The following IGSF9B variants were observed in gnomAD, a reference collection of about 807,000 sequenced individuals.
IGSF9B encodes protein turtle homolog B.
In IGSF9B, 48 loss-of-function variants were observed where a neutral mutation model predicts 143.7. The observed-to-expected ratio is 0.33, with a 90% CI of 0.26 to 0.42. The LOEUF (loss-of-function observed/expected upper bound fraction) is 0.42. IGSF9B is among the 20% of genes least tolerant of loss of function. The probability of loss-of-function intolerance (pLI) is 1.00; values close to 1 mark genes in which losing one functional copy is unlikely to be tolerated. For missense variants in IGSF9B, 1,706 were observed against 1,980.0 expected (o/e 0.86, Z 2.63); for synonymous variants, 903 against 833.1 (o/e 1.08, Z -1.44).
Position 133,902,463 on chromosome 11 carries a change from G to GCACACCACACACACACCACACAC in IGSF9B, c.*6605_*6606insGTGTGTGGTGTGTGTGTGGTGTG, listed in dbSNP as rs1163338242. Among the ~76,000 whole-genome samples the GCACACCACACACACACCACACAC allele has an allele frequency of 2.8e-5, 1 of 35,484 alleles. No homozygotes were observed. The highest frequency in any genetic ancestry group is 8.1e-5 in the Non-Finnish European group (1 of 12,304). 23.3% of individuals were successfully genotyped at this position (35,484 alleles called of 152,430 possible). ...ACACCACCCAGACACACCACACACAGATACACACACCACACACAACACACA... is the reference window on the plus strand; with the variant it reads ...ACACCACCCAGACACACCACACACAGCACACCACACACACACCACACACATACACACACCACACACAACACACA... On this transcript the variant is annotated 3_prime_UTR_variant, in exon 20 of 20. Transcript: ENST00000533871.
In IGSF9B at chr11:133,907,390, T is replaced by C. The variant is rs559038030; in HGVS notation, c.*1679A>G. ...CATGAGACCAGCAGAAGCCATCCAA[T>C]GCTGCCGTGGCTCACGTCCAAGCAG... On this transcript the variant is annotated 3_prime_UTR_variant, in exon 20 of 20. Coordinates refer to ENST00000533871, the MANE Select transcript of IGSF9B (RefSeq NM_001277285.4). Among the ~76,000 whole-genome samples, 146 of 152,304 alleles carry C rather than the reference T, an allele frequency of 9.6e-4. No individual in the cohort carries two copies. The highest frequency in any genetic ancestry group is 3.2e-3 in the African/African-American group (132 of 41,564).
intron 18 of IGSF9B, among the ~76,000 whole-genome samples, chr11:133,915,268 CT>C (rs33964936): frequency 7.3e-4 from 63 of 86,724 alleles, no homozygotes; most frequent in African/African-American, 2.5e-3. Flanking sequence ...CTCTCTCTCT[CT>C]TTTTTTTTTT....
In IGSF9B at chr11:133,907,290, G is replaced by A. The variant is rs2121262456; in HGVS notation, c.*1779C>T. On this transcript the variant is annotated 3_prime_UTR_variant, in exon 20 of 20. Transcript: ENST00000533871. ...ACAGAAGAAGTCCATCCCCTAAGAT[G>A]GAAACGCCAAGAAGAGACAGCAGCC... is the stretch of plus-strand genomic sequence containing the variant. 6.6e-6 allele frequency among the ~76,000 whole-genome samples: 1 copy of A among 152,312 alleles called. No individual in the cohort carries two copies. The highest frequency in any genetic ancestry group is 1.9e-4 in the East Asian group (1 of 5,158).
chr11:133,925,614 G>A (rs1230396767), intron 14 of IGSF9B, 125 bp downstream of exon 14: 1 of 699,372 alleles, frequency 1.4e-6, no homozygotes, highest in Non-Finnish European at 2.5e-6. Flanking sequence ...GACCAGTGGT[G>A]AGGAGGTACA....
chr11:133,927,653 G>T (rs551311446), intron 12 of IGSF9B, among the ~76,000 whole-genome samples: 1 of 152,332 alleles, frequency 6.6e-6, no homozygotes, highest in African/African-American at 2.4e-5. Context: ...CCCTAAGGCC[G>T]TAAGGGTTGG....
intron 7 of IGSF9B, among the ~76,000 whole-genome samples, chr11:133,934,595 G>T (rs1939789169): frequency 6.6e-6 from 1 of 152,338 alleles, no homozygotes; most frequent in African/African-American, 2.4e-5. Flanking sequence ...TCCATAGAGA[G>T]GAAAGAGTGA....
At chr11:133,934,568 G>A (rs1426406635) in intron 7 of IGSF9B, among the ~76,000 whole-genome samples, 4 of 152,230 alleles carry the variant, frequency 2.6e-5, no homozygotes, top group African/African-American at 7.2e-5. Context: ...GACGGCAGAC[G>A]CAGAGAGGCG....
At chr11:133,932,304 G>A (rs958116133) in intron 7 of IGSF9B, 91 bp from the exon 8 acceptor site, 126 of 1,383,008 alleles carry the variant, frequency 9.1e-5, no homozygotes, top group Non-Finnish European at 1.2e-4. Context: ...CACAGGGACA[G>A]ACAGACACAG....
Position 133,919,860 on chromosome 11 carries a change from G to A in IGSF9B, c.3865C>T (p.Pro1289Ser), listed in dbSNP as rs1311569703. The A allele has an allele frequency of 1.3e-6, 2 of 1,588,488 alleles. No homozygotes were observed. The highest frequency in any genetic ancestry group is 2.7e-5 in the African/African-American group (2 of 73,920). The change falls in exon 18 of 20, where the codon CCC becomes TCC. Residue 1289 changes from proline (P) to serine (S), a missense_variant. By Grantham distance (74) the Pro-to-Ser change is moderately conservative (BLOSUM62 -1). Transcript: ENST00000533871. ...CTGTCCCCAGGCCCAGCAGGGGCGG[G>A]GCCGGGTGGAGGGGAAGGGTAGCCG... Reference protein sequence around the residue: ...ATGYPSPPPGPAPAGPGDSLD... With the variant: ...ATGYPSPPPGSAPAGPGDSLD...
rs1344828135 is a variant in IGSF9B, at chr11:133,905,856, A to T, written c.*3213T>A. 6.6e-6 allele frequency among the ~76,000 whole-genome samples: 1 copy of T among 152,340 alleles called. No homozygotes were observed. The highest frequency in any genetic ancestry group is 2.4e-5 in the African/African-American group (1 of 41,582). On this transcript the variant is annotated 3_prime_UTR_variant, in exon 20 of 20. Transcript: ENST00000533871. This position sits in a 1 kb window ranked among gnomAD's most constrained non-coding sequence, Gnocchi z 4.0. ...GGGAGCCCACGGCAGCCCACCAGCAAATCAAGACAGGCTTCGCCTCTCTGC... is the reference window on the plus strand; with the variant it reads ...GGGAGCCCACGGCAGCCCACCAGCATATCAAGACAGGCTTCGCCTCTCTGC...
intron 1 of IGSF9B, among the ~76,000 whole-genome samples, chr11:133,947,173 C>T (rs1367439628): frequency 6.6e-6 from 1 of 152,154 alleles, no homozygotes; most frequent in Non-Finnish European, 1.5e-5. Context: ...AGCTAGAGGA[C>T]GCCGCAGAGA....
At chr11:133,930,559 C>T (rs1939704471) in intron 11 of IGSF9B, among the ~76,000 whole-genome samples, 1 of 152,218 alleles carries the variant, frequency 6.6e-6, no homozygotes, top group Non-Finnish European at 1.5e-5. Flanking sequence ...CAGAAACTTC[C>T]TCCTGCCCAG....
intron 16 of IGSF9B, 39 bp downstream of exon 16, chr11:133,922,530 C>T: frequency 6.3e-7 from 1 of 1,584,854 alleles, no homozygotes; most frequent in Non-Finnish European, 8.6e-7. Flanking sequence ...GCATTTGAAA[C>T]CGGGCCAGGG....
At chr11:133,921,418 C>T in intron 17 of IGSF9B, 21 bp from the exon 18 acceptor site, 2 of 1,468,254 alleles carry the variant, frequency 1.4e-6, no homozygotes, top group Non-Finnish European at 9.0e-7. Context: ...GAGCAAGAGC[C>T]GGGAGGGGAT....
At chr11:133,954,183 G>T (rs559904792) in intron 1 of IGSF9B, among the ~76,000 whole-genome samples, 1 of 152,118 alleles carries the variant, frequency 6.6e-6, no homozygotes, top group South Asian at 2.1e-4. Flanking sequence ...CTGCTCACAC[G>T]AGCGGGCGCC....
At position 133,908,973 on chromosome 11, in the gene IGSF9B, G is replaced by A. The variant is rs768540790; in HGVS notation, c.*96C>T. ...GGCATGCAGGACAAAGGTCTGGGCC[G>A]CCCTTGGCAGACGGAGGAGGACACA... On this transcript the variant is annotated 3_prime_UTR_variant, in exon 20 of 20. Coordinates refer to ENST00000533871, the MANE Select transcript of IGSF9B (RefSeq NM_001277285.4). 30 of 1,090,764 alleles carry A rather than the reference G, an allele frequency of 2.8e-5. No individual in the cohort carries two copies. Among genetic ancestry groups the A allele is most frequent in the Middle Eastern group, 2.9e-4 (1 of 3,438 alleles). The allele number at this position is 1,090,764 out of a possible 1,614,324, so 67.6% of individuals were successfully genotyped here.
chr11:133,937,337 G>A, intron 5 of IGSF9B, 39 bp downstream of exon 5: 1 of 1,477,024 alleles, frequency 6.8e-7, no homozygotes. Context: ...CATCCCCGCG[G>A]GAGCCCAGGG....
intron 18 of IGSF9B, among the ~76,000 whole-genome samples, chr11:133,916,884 C>A (rs990616542): frequency 5.3e-5 from 8 of 152,064 alleles, no homozygotes; most frequent in African/African-American, 1.9e-4. Context: ...CGCAGGAGGG[C>A]CCCAGAGCAG....
chr11:133,902,482 A>C lies in IGSF9B; in HGVS notation c.*6587T>G, dbSNP rs916018951. On this transcript the variant is annotated 3_prime_UTR_variant, in exon 20 of 20. Transcript: ENST00000533871. ...CACACAGATACACACACCACACACA[A>C]CACACACACACACCAGACATGCACA... is the stretch of plus-strand genomic sequence containing the variant. Among the ~76,000 whole-genome samples the C allele has an allele frequency of 2.5e-4, 30 of 119,390 alleles. No homozygotes were observed. The highest frequency in any genetic ancestry group is 3.3e-4 in the Admixed American group (4 of 12,046). The allele number at this position is 119,390 out of a possible 152,430, so 78.3% of individuals were successfully genotyped here.
Sources: allele counts gnomAD v4.1 joint callset (sites outside exome capture counted in the v4.1 genomes callset), GRCh38; gene constraint gnomAD v4.1.1; non-coding constraint Gnocchi (gnomAD v3.1); transcripts MANE v1.5; gene names NCBI Gene and HGNC (gene_info 2026-07-23, HGNC 2026-07-21).